Variants in SDHAF4 observed in about 807,000 individuals in gnomAD.
SDHAF4 encodes the protein succinate dehydrogenase assembly factor 4, mitochondrial.
A neutral mutation model predicts 14.3 loss-of-function variants in SDHAF4; 14 were observed. That is an observed-to-expected ratio of 0.98 (90% CI 0.65 to 1.53). The LOEUF is 1.53. SDHAF4 is among the 40% of genes most tolerant of loss of function. The probability of loss-of-function intolerance (pLI) is 0.00; values close to 1 mark genes in which losing one functional copy is unlikely to be tolerated. For missense variants in SDHAF4, 141 were observed against 129.3 expected (o/e 1.09, Z -0.44); for synonymous variants, 63 against 47.3 (o/e 1.33, Z -1.36).
intron 2 of SDHAF4, among the ~76,000 whole-genome samples, chr6:70,582,470 G>C (rs2691496): frequency 9.3e-4 from 141 of 152,018 alleles, no homozygotes; most frequent in African/African-American, 3.3e-3. Flanking sequence ...TGCCTCCTGA[G>C]TATCTTTCTT....
intron 1 of SDHAF4, among the ~76,000 whole-genome samples, chr6:70,568,437 A>G (rs765998441): frequency 6.6e-6 from 1 of 152,176 alleles, no homozygotes; most frequent in Non-Finnish European, 1.5e-5. Context: ...TCCTGATACA[A>G]CTGTGCAATG....
downstream of SDHAF4, among the ~76,000 whole-genome samples, chr6:70,592,263 G>T (rs148626536): frequency 1.6e-3 from 250 of 152,326 alleles, no homozygotes; most frequent in African/African-American, 5.3e-3. Context: ...TGTGGAAGCC[G>T]CATGGGAACT....
downstream of SDHAF4, among the ~76,000 whole-genome samples, chr6:70,592,938 T>G (rs1765270802): frequency 6.6e-6 from 1 of 152,228 alleles, no homozygotes; most frequent in African/African-American, 2.4e-5. Context: ...TCAGAAATCT[T>G]TGAAGCTGCC....
intron 2 of SDHAF4, among the ~76,000 whole-genome samples, chr6:70,580,093 G>A (rs935418953): frequency 1.3e-5 from 2 of 151,970 alleles, no homozygotes; most frequent in African/African-American, 2.4e-5. Flanking sequence ...TATATTATAT[G>A]TATGTGTGTG....
chr6:70,597,928 C>A, the SDHAF4 span, among the ~76,000 whole-genome samples: 5 of 152,184 alleles, frequency 3.3e-5, no homozygotes, highest in East Asian at 9.6e-4. Context: ...CTGCTGTCAA[C>A]TTCCCGAAGA....
intron 1 of SDHAF4, among the ~76,000 whole-genome samples, chr6:70,568,137 A>C (rs1224149668): frequency 6.6e-6 from 1 of 152,224 alleles, no homozygotes; most frequent in Non-Finnish European, 1.5e-5. Context: ...TAATTGTATA[A>C]GTTTTAAATA....
intron 1 of SDHAF4, among the ~76,000 whole-genome samples, chr6:70,574,996 TCTC>T (rs1802233677): frequency 6.6e-6 from 1 of 152,176 alleles, no homozygotes; most frequent in South Asian, 2.1e-4. Context: ...AGTCCTGGCT[TCTC>T]CTGCGCTTTC....
In SDHAF4 at chr6:70,583,788, G is replaced by A. The variant is rs188714988; in HGVS notation, c.217+4222G>A. ...TCAAAGCCATCCTGGGCCACATGCA[G>A]CCCGTGGACTGTGGGTTAGACAGGC... On this transcript the variant is annotated intron_variant, in intron 2 of 2. Transcript: ENST00000370474. Among the ~76,000 whole-genome samples the A allele has an allele frequency of 8.5e-5, 13 of 152,320 alleles. No homozygotes were observed. The East Asian group carries it at 2.5e-3, about 29-fold the overall frequency.
intron 1 of SDHAF4, among the ~76,000 whole-genome samples, chr6:70,569,422 C>A (rs1415336067): frequency 6.6e-6 from 1 of 152,086 alleles, no homozygotes; most frequent in Non-Finnish European, 1.5e-5. Context: ...GCGCCCACCA[C>A]CACACCCAGA....
At chr6:70,582,623 C>G (rs552524654) in intron 2 of SDHAF4, among the ~76,000 whole-genome samples, 1 of 152,296 alleles carries the variant, frequency 6.6e-6, no homozygotes, top group South Asian at 2.1e-4. Flanking sequence ...CCCCATCTAC[C>G]AAGTCACCCA....
At chr6:70,594,302 G>C (rs1300398511), downstream of SDHAF4, among the ~76,000 whole-genome samples, 2 of 152,184 alleles carry the variant, frequency 1.3e-5, no homozygotes, top group African/African-American at 2.4e-5. Flanking sequence ...TTGAATGTTT[G>C]TCTCCTCCAA....
At chr6:70,573,864 T>C (rs1241780154) in intron 1 of SDHAF4, among the ~76,000 whole-genome samples, 2 of 151,622 alleles carry the variant, frequency 1.3e-5, no homozygotes, top group South Asian at 2.1e-4. Flanking sequence ...TTGGTAGAGA[T>C]GGGGTTCCAC....
intron 1 of SDHAF4, among the ~76,000 whole-genome samples, chr6:70,572,433 T>C (rs1234051065): frequency 6.6e-6 from 1 of 152,162 alleles, no homozygotes; most frequent in African/African-American, 2.4e-5. Flanking sequence ...GATTTTAAAT[T>C]TTCTCATCAC....
At chr6:70,572,058 C>CTTTTTT (rs66688860) in intron 1 of SDHAF4, among the ~76,000 whole-genome samples, 8 of 53,512 alleles carry the variant, frequency 1.5e-4, no homozygotes, top group Non-Finnish European at 1.9e-4. Flanking sequence ...CTTTTTTTGT[C>CTTTTTT]TTTTTTTTTT....
chr6:70,586,644 G>A (rs1471972537), intron 2 of SDHAF4, among the ~76,000 whole-genome samples: 7 of 152,014 alleles, frequency 4.6e-5, no homozygotes, highest in East Asian at 1.9e-4. Flanking sequence ...CATATGATAC[G>A]TATTAAGTAT....
At chr6:70,580,985 G>A (rs1385875654) in intron 2 of SDHAF4, among the ~76,000 whole-genome samples, 1 of 152,112 alleles carries the variant, frequency 6.6e-6, no homozygotes, top group African/African-American at 2.4e-5. Flanking sequence ...AGGCTGGAGT[G>A]CAGTGGCACA....
chr6:70,573,862 G>A (rs1442093801), intron 1 of SDHAF4, among the ~76,000 whole-genome samples: 1 of 151,516 alleles, frequency 6.6e-6, no homozygotes, highest in East Asian at 2.0e-4. Context: ...TTTTGGTAGA[G>A]ATGGGGTTCC....
chr6:70,569,128 G>C (rs1265685034), intron 1 of SDHAF4, among the ~76,000 whole-genome samples: 1 of 151,158 alleles, frequency 6.6e-6, no homozygotes, highest in Non-Finnish European at 1.5e-5. Flanking sequence ...ACCACGCCCG[G>C]CTAATTTTTG....
At chr6:70,567,977 G>T (rs1028915736) in intron 1 of SDHAF4, among the ~76,000 whole-genome samples, 4 of 152,108 alleles carry the variant, frequency 2.6e-5, no homozygotes, top group African/African-American at 4.8e-5. Context: ...GAGCCACCGC[G>T]CCCGGTCCGC....
Sources: allele counts gnomAD v4.1 joint callset (sites outside exome capture counted in the v4.1 genomes callset), GRCh38; gene constraint gnomAD v4.1.1; transcripts MANE v1.5; gene names NCBI Gene and HGNC (gene_info 2026-07-23, HGNC 2026-07-21).